The following SKIC3 variants were observed in gnomAD, a reference collection of about 807,000 sequenced individuals.
SKIC3 encodes superkiller complex protein 3.
chr5:95,544,481 A>G, the SKIC3 span, among the ~76,000 whole-genome samples: 1 of 152,218 alleles, frequency 6.6e-6, no homozygotes, highest in Non-Finnish European at 1.5e-5. Flanking sequence ...TTCTTCAGAC[A>G]TACAAAAGAC....
the SKIC3 span, among the ~76,000 whole-genome samples, chr5:95,487,697 A>G: frequency 6.6e-6 from 1 of 152,214 alleles, no homozygotes; most frequent in Non-Finnish European, 1.5e-5. Context: ...GTGCTCCCCT[A>G]CGAAAGAAAA....
chr5:95,472,286 G>A, the SKIC3 span, among the ~76,000 whole-genome samples: 2 of 152,070 alleles, frequency 1.3e-5, no homozygotes, highest in Non-Finnish European at 2.9e-5. Context: ...ATAGCACAAG[G>A]AGATACTCCT....
the SKIC3 span, among the ~76,000 whole-genome samples, chr5:95,492,119 T>C: frequency 1.3e-5 from 2 of 152,172 alleles, no homozygotes; most frequent in African/African-American, 2.4e-5. Flanking sequence ...TACCTCCATA[T>C]TATGAAACAA....
the SKIC3 span, chr5:95,514,764 G>C: frequency 7.4e-7 from 1 of 1,345,218 alleles, no homozygotes; most frequent in East Asian, 2.5e-5. Context: ...GCCCTCAAAT[G>C]CTATCCGTTA....
At chr5:95,522,770 T>C in the SKIC3 span, among the ~76,000 whole-genome samples, 1 of 152,162 alleles carries the variant, frequency 6.6e-6, no homozygotes, top group African/African-American at 2.4e-5. Context: ...CCAGAAACAA[T>C]TTTATTTTGA....
the SKIC3 span, among the ~76,000 whole-genome samples, chr5:95,471,016 CATTAA>C: frequency 1.3e-5 from 2 of 152,030 alleles, no homozygotes; most frequent in African/African-American, 2.4e-5. Flanking sequence ...CTATTTCAAA[CATTAA>C]ATTATATAAC....
At chr5:95,539,333 A>G in the SKIC3 span, among the ~76,000 whole-genome samples, 1 of 152,226 alleles carries the variant, frequency 6.6e-6, no homozygotes, top group Non-Finnish European at 1.5e-5. Flanking sequence ...CAAATGGCTG[A>G]CAAACATGAA....
the SKIC3 span, chr5:95,550,516 T>C: frequency 6.6e-6 from 1 of 150,986 alleles, no homozygotes; most frequent in Admixed American, 6.6e-5. Context: ...CTGAAAGGAA[T>C]GAGTAAAAAC....
the SKIC3 span, among the ~76,000 whole-genome samples, chr5:95,473,427 G>A: frequency 1.3e-5 from 2 of 152,046 alleles, no homozygotes; most frequent in Non-Finnish European, 2.9e-5. Context: ...GACTACAGGT[G>A]CATGCCACTA....
At chr5:95,523,698 G>A in the SKIC3 span, 1 of 1,613,616 alleles carries the variant, frequency 6.2e-7, no homozygotes, top group Non-Finnish European at 8.5e-7. Context: ...TGCAGCTCCA[G>A]ATTCAGCATC....
At chr5:95,516,751 C>G in the SKIC3 span, 1 of 1,612,802 alleles carries the variant, frequency 6.2e-7, no homozygotes, top group Non-Finnish European at 8.5e-7. Context: ...TTTTCAGACA[C>G]TGAAAAGAAG....
chr5:95,523,862 A>ATT, the SKIC3 span: 1 of 1,602,218 alleles, frequency 6.2e-7, no homozygotes, highest in East Asian at 2.2e-5. Context: ...ATAATAACAG[A>ATT]ACATTAAAAG....
the SKIC3 span, among the ~76,000 whole-genome samples, chr5:95,527,630 C>T: frequency 6.6e-6 from 1 of 152,108 alleles, no homozygotes; most frequent in African/African-American, 2.4e-5. Context: ...AACAAATAAA[C>T]ATTCTCTACC....
chr5:95,533,333 T>C, the SKIC3 span, among the ~76,000 whole-genome samples: 1 of 152,132 alleles, frequency 6.6e-6, no homozygotes, highest in Non-Finnish European at 1.5e-5. Flanking sequence ...TGCTGTGAAG[T>C]AGCAAATTCT....
At chr5:95,506,826 C>T in the SKIC3 span, 2 of 1,123,422 alleles carry the variant, frequency 1.8e-6, no homozygotes, top group Non-Finnish European at 2.7e-6. Flanking sequence ...ATTATGTATC[C>T]TACATGTACC....
the SKIC3 span, chr5:95,536,892 A>G: frequency 1.9e-6 from 3 of 1,613,622 alleles, no homozygotes. Flanking sequence ...ATTCCTTCAC[A>G]GGCCTTCTTC....
chr5:95,469,089 T>C, the SKIC3 span, among the ~76,000 whole-genome samples: 1 of 152,196 alleles, frequency 6.6e-6, no homozygotes, highest in Non-Finnish European at 1.5e-5. Flanking sequence ...ACCTATTCTG[T>C]TCCAGTGATG....
chr5:95,551,746 A>T, the SKIC3 span, among the ~76,000 whole-genome samples: 112 of 152,180 alleles, frequency 7.4e-4, no homozygotes, highest in African/African-American at 2.6e-3. Context: ...TTAGGAAATC[A>T]AATGGATCTA....
At chr5:95,492,362 C>T in the SKIC3 span, among the ~76,000 whole-genome samples, 26,785 of 151,448 alleles carry the variant, frequency 0.18, 2,687 homozygotes, top group East Asian at 0.34. Context: ...ACTGGCCGGG[C>T]GCGGTGGCTC....
Sources: gnomAD v4.1 joint callset for allele counts (sites outside exome capture counted in the v4.1 genomes callset) on GRCh38, gnomAD v4.1.1 for gene constraint, MANE v1.5 for transcripts, NCBI Gene and HGNC (gene_info 2026-07-23, HGNC 2026-07-21) for gene names.